The following VWA8 variants were observed in gnomAD, a reference collection of about 807,000 sequenced individuals.
VWA8 encodes von Willebrand factor A domain-containing protein 8.
Under a neutral mutation model 241.5 loss-of-function variants are expected in VWA8, and 221 were observed. That is an observed-to-expected ratio of 0.91 (90% CI 0.82 to 1.02). The LOEUF is 1.02. Ranked by LOEUF, VWA8 falls within the 50% of genes least tolerant of loss-of-function variation. The pLI is 0.00. For missense variants in VWA8, 2,322 were observed against 2,328.7 expected (o/e 1.00, Z 0.06); for synonymous variants, 852 against 827.1 (o/e 1.03, Z -0.52).
intron 27 of VWA8, among the ~76,000 whole-genome samples, chr13:41,702,943 C>G (rs947169018): frequency 6.6e-6 from 1 of 152,160 alleles, no homozygotes; most frequent in Non-Finnish European, 1.5e-5. Context: ...TAGTAACGGA[C>G]AGTTCTTTAC....
chr13:41,688,594 T>A, intron 34 of VWA8, among the ~76,000 whole-genome samples: 1 of 152,146 alleles, frequency 6.6e-6, no homozygotes, highest in East Asian at 1.9e-4. Context: ...TTAGCCATTA[T>A]ACTATAACCT....
chr13:41,719,211 C>A, intron 26 of VWA8: 1 of 452,912 alleles, frequency 2.2e-6, no homozygotes, highest in South Asian at 8.3e-5. Flanking sequence ...TATATAGTAA[C>A]AGAAATAAGA....
chr13:41,875,191 C>T (rs1179822313), intron 9 of VWA8, among the ~76,000 whole-genome samples: 1 of 152,114 alleles, frequency 6.6e-6, no homozygotes, highest in Admixed American at 6.6e-5. Flanking sequence ...TCTGCTTTAA[C>T]TATGAGTAGA....
intron 26 of VWA8, among the ~76,000 whole-genome samples, chr13:41,705,243 G>A (rs1379799726): frequency 2.0e-5 from 3 of 150,416 alleles, no homozygotes; most frequent in Non-Finnish European, 3.0e-5. Context: ...TATCTCAATC[G>A]GGGACCCACT....
rs1491423444 is a variant in VWA8, at chr13:41,881,372, C to CCGG, written c.1080+2014_1080+2015insCCG. Among the ~76,000 whole-genome samples the CCGG allele has an allele frequency of 3.7e-3, 31 of 8,294 alleles. 11 individuals carry two copies. The highest frequency in any genetic ancestry group is 6.2e-3 in the South Asian group (1 of 162). 5.4% of individuals were successfully genotyped at this position (8,294 alleles called of 152,430 possible). Reference sequence around the variant, plus strand: ...CTAGAACATCATAGTTTTTTTTTGCCGGGGGGGGGGGGGGGGGGGTAAGGT... The same window carrying CCGG: ...CTAGAACATCATAGTTTTTTTTTGCCCGGGGGGGGGGGGGGGGGGGGGTAAGGT... On this transcript the variant is annotated intron_variant, in intron 9 of 44. Transcript: ENST00000379310.
chr13:41,861,157 G>A (rs1445761200), intron 12 of VWA8, among the ~76,000 whole-genome samples: 1 of 152,066 alleles, frequency 6.6e-6, no homozygotes, highest in Non-Finnish European at 1.5e-5. Flanking sequence ...GTTGCCGTGA[G>A]CCGAGACTGC....
At chr13:41,933,196 A>T (rs976009999) in intron 2 of VWA8, among the ~76,000 whole-genome samples, 1 of 152,046 alleles carries the variant, frequency 6.6e-6, no homozygotes. Flanking sequence ...TTTAAGTTAA[A>T]AAGACAATAT....
chr13:41,959,939 G>A (rs1004525609), intron 1 of VWA8, among the ~76,000 whole-genome samples: 2 of 152,098 alleles, frequency 1.3e-5, no homozygotes, highest in African/African-American at 4.8e-5. Flanking sequence ...GGAAAACTGG[G>A]GGTTGCGGGG....
chr13:41,583,667 C>CA (rs2044399139), intron 42 of VWA8, among the ~76,000 whole-genome samples: 1 of 134,870 alleles, frequency 7.4e-6, no homozygotes, highest in African/African-American at 2.8e-5. Context: ...AAAAAACAAA[C>CA]AAAAAAAGAA....
At chr13:41,905,742 G>A (rs1455075659) in intron 4 of VWA8, among the ~76,000 whole-genome samples, 1 of 151,942 alleles carries the variant, frequency 6.6e-6, no homozygotes, top group Non-Finnish European at 1.5e-5. Context: ...AACGTTTTTA[G>A]TAAGAGTACT....
chr13:41,820,839 G>T (rs1307750004), intron 14 of VWA8, among the ~76,000 whole-genome samples: 1 of 152,192 alleles, frequency 6.6e-6, no homozygotes, highest in Non-Finnish European at 1.5e-5. Context: ...CTTCTGCTAA[G>T]TGGTTTGCTA....
At chr13:41,772,227 A>C (rs1286108493) in intron 20 of VWA8, among the ~76,000 whole-genome samples, 2 of 152,212 alleles carry the variant, frequency 1.3e-5, no homozygotes, top group African/African-American at 4.8e-5. Flanking sequence ...GAAATATGGC[A>C]CTTATGGCTG....
At chr13:41,752,015 G>A (rs150806761) in intron 21 of VWA8, among the ~76,000 whole-genome samples, 40 of 152,240 alleles carry the variant, frequency 2.6e-4, no homozygotes, top group African/African-American at 9.1e-4. Context: ...ATGATTGGTA[G>A]ATCACACACA....
In VWA8 at chr13:41,949,942, T is replaced by C; in HGVS notation, c.235A>G (p.Asn79Asp). The C allele has an allele frequency of 6.3e-7, 1 of 1,576,672 alleles. No homozygotes were observed. The highest frequency in any genetic ancestry group is 8.7e-7 in the Non-Finnish European group (1 of 1,155,410). ...ATTAATAAATATTTCTTACTGTAGT[T>C]CTGTGGCACAAGTTCTGGATTCTTA... ...IPKNPELVPQ[N>D]YISDSLAQSV... The change falls in exon 2 of 45, where the codon AAC becomes GAC. Residue 79 changes from asparagine to aspartate, a missense_variant. Asn to Asp is a conservative substitution (Grantham distance 23). Transcript: ENST00000379310.
intron 37 of VWA8, among the ~76,000 whole-genome samples, chr13:41,621,972 CA>C (rs2044659830): frequency 6.6e-6 from 1 of 152,152 alleles, no homozygotes; most frequent in African/African-American, 2.4e-5. Context: ...AGAGATGTTT[CA>C]AAATCGACAA....
rs1300837196 is a variant in VWA8 at position 41,891,528 on chromosome 13, T to C, written c.543A>G (p.Ala181=). The part of the protein sequence containing the change: ...RTLILEGLEK[A]ERNVLPVLNN... The stretch of plus-strand genomic sequence containing the variant: ...TCAAAACAGGCAAAACATTCCTCTC[T>C]GCCTTTTCCAAACCTTCCAAAATGA... Residue 181 remains alanine, a synonymous_variant, in exon 5 of 45, where the codon GCA becomes GCG. Transcript: ENST00000379310. The C allele has an allele frequency of 6.2e-7, 1 of 1,614,104 alleles. No homozygotes were observed. Among genetic ancestry groups the C allele is most frequent in the Non-Finnish European group, 8.5e-7 (1 of 1,180,022 alleles).
intron 37 of VWA8, among the ~76,000 whole-genome samples, chr13:41,650,340 T>C (rs1307718696): frequency 6.6e-6 from 1 of 152,200 alleles, no homozygotes; most frequent in Non-Finnish European, 1.5e-5. Flanking sequence ...CTAAGATCAC[T>C]GGATAGAACT....
rs1167118659 is a variant in VWA8 at position 41,699,209 on chromosome 13, A to G, written c.3426T>C (p.Asn1142=). 6.2e-7 allele frequency: 1 copy of G among 1,614,198 alleles called. No individual in the cohort carries two copies. The highest frequency in any genetic ancestry group is 1.1e-5 in the South Asian group (1 of 91,082). The change falls in exon 29 of 45, where the codon AAT becomes AAC. Residue 1142 remains asparagine, a synonymous_variant. Transcript: ENST00000379310. ...TCNPASLYFM[N]MTGKSGFFVD... is the part of the protein sequence containing the mutation. ...CAAAGAAGCCACTTTTCCCAGTCAT[A>G]TTCATAAAGTACAGGGAAGCGGGAT...
chr13:41,699,156 G>C lies in VWA8; in HGVS notation c.3479C>G (p.Thr1160Arg). Reference protein sequence around the residue: ...FVDFFDIFPRTANGVWHPFVT... With the variant: ...FVDFFDIFPRRANGVWHPFVT... ...AAAAGGGTGCCAAACGCCATTGGCT[G>C]TTCTTGGGAAGATATCAAAAAAGTC... Residue 1160 changes from threonine to arginine, a missense_variant, in exon 29 of 45, where the codon ACA (threonine) becomes AGA (arginine). Transcript: ENST00000379310. 6.2e-7 allele frequency: 1 copy of C among 1,614,108 alleles called. No individual in the cohort carries two copies. Among genetic ancestry groups the C allele is most frequent in the Non-Finnish European group, 8.5e-7 (1 of 1,180,008 alleles).
Sources: allele counts gnomAD v4.1 joint callset (sites outside exome capture counted in the v4.1 genomes callset), GRCh38; gene constraint gnomAD v4.1.1; transcripts MANE v1.5; gene names NCBI Gene and HGNC (gene_info 2026-07-23, HGNC 2026-07-21).